UPP2: variants seen among roughly 807,000 people sequenced by gnomAD.
UPP2 encodes the protein UPase 2.
Under a neutral mutation model 26.7 loss-of-function variants are expected in UPP2, and 23 were observed. That is an observed-to-expected ratio of 0.86 (90% confidence interval 0.62 to 1.22). The LOEUF is 1.22. UPP2 is among the 50% of genes most tolerant of loss of function. The pLI is 0.00. For synonymous variants in UPP2, 127 were observed against 141.3 expected, an observed-to-expected ratio of 0.90 and a Z score of 0.72; for missense variants, 387 against 396.7, an observed-to-expected ratio of 0.98 and a Z score of 0.21.
intron 6 of UPP2, among the ~76,000 whole-genome samples, chr2:158,130,209 G>A (rs747015895): frequency 1.1e-4 from 17 of 150,352 alleles, no homozygotes; most frequent in Non-Finnish European, 1.6e-4. Flanking sequence ...TTGGGAGGCC[G>A]AGATGGGCAA....
Position 158,115,114 on chromosome 2 carries a change from G to A in UPP2, c.194G>A (p.Gly65Asp), listed in dbSNP as rs373160807. ...TTTTATTAACAGTTTGTCTGTGTCGGTGGGAGCCCCAACAGAATGAAAGCA... is the reference window on the plus strand; with the variant it reads ...TTTTATTAACAGTTTGTCTGTGTCGATGGGAGCCCCAACAGAATGAAAGCA... Reference protein sequence around the residue: ...MFGDVKFVCVGGSPNRMKAFA... With the variant: ...MFGDVKFVCVDGSPNRMKAFA... The change falls in exon 3 of 7, where the codon GGT (glycine) becomes GAT (aspartate). Residue 65 changes from glycine (G) to aspartate (D), a missense_variant. Coordinates refer to ENST00000005756, the MANE Select transcript of UPP2 (RefSeq NM_173355.4). 2.7e-5 allele frequency: 43 copies of A among 1,606,664 alleles called. No individual in the cohort carries two copies. The African/African-American group carries it at 4.0e-4, about 15-fold the overall frequency.
intron 3 of UPP2, among the ~76,000 whole-genome samples, chr2:158,094,582 T>A (rs898499360): frequency 6.6e-6 from 1 of 152,204 alleles, no homozygotes; most frequent in Non-Finnish European, 1.5e-5. Context: ...AAATTAATGG[T>A]TAACTCAATA....
intron 3 of UPP2, among the ~76,000 whole-genome samples, chr2:158,087,475 C>A (rs1030385697): frequency 6.6e-6 from 1 of 152,096 alleles, no homozygotes; most frequent in Non-Finnish European, 1.5e-5. Flanking sequence ...GCATTTTGAC[C>A]ATTTACATTC....
At chr2:157,997,863 G>A (rs1019401887) in intron 2 of UPP2, among the ~76,000 whole-genome samples, 2 of 152,154 alleles carry the variant, frequency 1.3e-5, no homozygotes, top group African/African-American at 2.4e-5. Context: ...ACCACTAAAC[G>A]TTTGGACAGG....
upstream of UPP2, among the ~76,000 whole-genome samples, chr2:158,098,456 A>G (rs1390652401): frequency 6.6e-6 from 1 of 152,190 alleles, no homozygotes; most frequent in Non-Finnish European, 1.5e-5. Flanking sequence ...CCTTAGGGCC[A>G]GATGGGGCCA....
chr2:158,001,962 A>AAG (rs1475109326), intron 2 of UPP2, among the ~76,000 whole-genome samples: 1 of 106,750 alleles, frequency 9.4e-6, no homozygotes, highest in Non-Finnish European at 1.8e-5. Flanking sequence ...AGCACCAAAA[A>AAG]AAAAAAAAAA....
intron 3 of UPP2, among the ~76,000 whole-genome samples, chr2:158,037,160 G>A (rs1249454092): frequency 3.3e-5 from 5 of 151,924 alleles, no homozygotes; most frequent in African/African-American, 1.2e-4. Flanking sequence ...GAATAACGAG[G>A]TCAGGAGTTT....
At chr2:158,053,253 C>T (rs1682188528) in intron 3 of UPP2, among the ~76,000 whole-genome samples, 1 of 152,140 alleles carries the variant, frequency 6.6e-6, no homozygotes, top group Admixed American at 6.6e-5. Flanking sequence ...ACCTGGAGGG[C>T]AAGGGTTGGG....
Position 158,016,140 on chromosome 2 carries a change from TAACA to T in UPP2, c.147+255_147+258del, listed in dbSNP as rs1239762427. On this transcript the variant is annotated intron_variant, in intron 3 of 9. Coordinates refer to the UPP2 transcript ENST00000605860. ...AACACTTGTTTAAAAAAAAAAAAAC[TAACA>T]GATTTTTTTTTTAAATTACTTTTTC... Among the ~76,000 whole-genome samples the T allele has an allele frequency of 2.7e-5, 4 of 148,860 alleles. No homozygotes were observed. In the East Asian group the frequency reaches 6.2e-4, roughly 23 times the overall value.
At chr2:158,053,780 T>G (rs13020547) in intron 3 of UPP2, among the ~76,000 whole-genome samples, 101,190 of 151,976 alleles carry the variant, frequency 0.67, 34,033 homozygotes, top group Admixed American at 0.74. Context: ...ACTCGAAGTG[T>G]GAGGAATTTA....
At chr2:158,110,714 G>C (rs997206640) in intron 2 of UPP2, among the ~76,000 whole-genome samples, 2 of 152,120 alleles carry the variant, frequency 1.3e-5, no homozygotes, top group Admixed American at 6.5e-5. Context: ...ATTCTAACTG[G>C]TGTGAGATGG....
intron 3 of UPP2, among the ~76,000 whole-genome samples, chr2:158,116,181 C>T (rs760345200): frequency 3.3e-5 from 5 of 152,164 alleles, no homozygotes; most frequent in African/African-American, 9.7e-5. Flanking sequence ...GGGCCAAGAG[C>T]GCCTGAAACC....
intron 5 of UPP2, among the ~76,000 whole-genome samples, chr2:158,122,876 G>A (rs1243154040): frequency 6.6e-6 from 1 of 152,142 alleles, no homozygotes; most frequent in Admixed American, 6.5e-5. Flanking sequence ...AATAGAGGTG[G>A]TGGCACGCAG....
intron 3 of UPP2, among the ~76,000 whole-genome samples, chr2:158,018,145 C>T (rs1412955359): frequency 6.6e-6 from 1 of 152,174 alleles, no homozygotes; most frequent in African/African-American, 2.4e-5. Flanking sequence ...TACTAAACAG[C>T]CTCTCGTATG....
At chr2:158,067,352 G>A (rs1213861008) in intron 3 of UPP2, among the ~76,000 whole-genome samples, 1 of 145,828 alleles carries the variant, frequency 6.9e-6, no homozygotes, top group Non-Finnish European at 1.5e-5. Context: ...TAAATAAATA[G>A]TGAAATGCAT....
At chr2:158,030,745 CA>C (rs1415905750) in intron 3 of UPP2, among the ~76,000 whole-genome samples, 1 of 152,170 alleles carries the variant, frequency 6.6e-6, no homozygotes, top group Non-Finnish European at 1.5e-5. Context: ...CTAAATGTCC[CA>C]GGGGCAGTTC....
At chr2:158,104,920 G>GGGAAA (rs1683149206) in intron 1 of UPP2, among the ~76,000 whole-genome samples, 1 of 13,714 alleles carries the variant, frequency 7.3e-5, no homozygotes, top group African/African-American at 8.6e-4. Context: ...AACTCTGAAA[G>GGGAAA]GGAAGGGAAG....
At chr2:158,074,676 A>C (rs1682600520) in intron 3 of UPP2, among the ~76,000 whole-genome samples, 1 of 122,556 alleles carries the variant, frequency 8.2e-6, no homozygotes, top group Non-Finnish European at 1.7e-5. Context: ...GAAAGAAGGA[A>C]TAGAAGACCT....
At chr2:158,091,909 C>T (rs1471968742) in intron 3 of UPP2, among the ~76,000 whole-genome samples, 1 of 152,060 alleles carries the variant, frequency 6.6e-6, no homozygotes, top group African/African-American at 2.4e-5. Flanking sequence ...TCAATGTTAC[C>T]CAGTTTATGG....
Sources: allele counts gnomAD v4.1 joint callset (sites outside exome capture counted in the v4.1 genomes callset), GRCh38; gene constraint gnomAD v4.1.1; transcripts MANE v1.5; gene names NCBI Gene and HGNC (gene_info 2026-07-23, HGNC 2026-07-21).